ZNF780A: variants seen among roughly 807,000 people sequenced by gnomAD.
ZNF780A encodes the protein zinc finger protein 780A.
In ZNF780A, 40 loss-of-function variants were observed where a neutral mutation model predicts 56.7. That is an observed-to-expected ratio of 0.71 (90% CI 0.55 to 0.92). The LOEUF (loss-of-function observed/expected upper bound fraction) is 0.92. Among genes scored for constraint, ZNF780A ranks in the 40% least tolerant of loss-of-function variants. The probability of loss-of-function intolerance (pLI) is 0.00; values close to 1 mark genes in which losing one functional copy is unlikely to be tolerated. For synonymous variants in ZNF780A, 231 were observed against 248.3 expected, an observed-to-expected ratio of 0.93 and a Z score of 0.66; for missense variants, 672 against 783.3, an observed-to-expected ratio of 0.86 and a Z score of 1.70.
chr19:40,088,911 C>T (rs1568460344), intron 2 of ZNF780A, among the ~76,000 whole-genome samples: 1 of 152,080 alleles, frequency 6.6e-6, no homozygotes, highest in East Asian at 1.9e-4. Flanking sequence ...AAGCCAAGCA[C>T]AGAAAGACAT....
At chr19:40,089,305 G>A in intron 2 of ZNF780A, 1 of 1,367,272 alleles carries the variant, frequency 7.3e-7, no homozygotes, top group South Asian at 1.9e-5. Flanking sequence ...AATTATATCT[G>A]TCGATTTAAA....
chr19:40,071,305 T>C (rs1973808016), downstream of ZNF780A: 1 of 152,194 alleles, frequency 6.6e-6, no homozygotes, highest in African/African-American at 2.4e-5. Context: ...GTTTTATAGC[T>C]TGATTTAAAG....
At position 40,075,539 on chromosome 19, in the gene ZNF780A, A is replaced by G. The variant is rs1163705695; in HGVS notation, c.903T>C (p.Asn301=). 6.2e-7 allele frequency: 1 copy of G among 1,611,800 alleles called. No individual in the cohort carries two copies. ...ATTCCTTACATACAAAGGGTTTCTC[A>G]TTGGAATGAATTTTCTGATGCTGAA... ...HLIQHQKIHS[N]EKPFVCKECG... is the part of the protein sequence containing the mutation. Residue 301 remains asparagine, a synonymous_variant, in exon 6 of 6, where the codon AAT becomes AAC. Coordinates refer to ENST00000683561, the MANE Select transcript of ZNF780A (RefSeq NM_001142578.2).
rs542843323 is a variant in ZNF780A, at chr19:40,083,830, A to AT, written c.10-594dup. The stretch of plus-strand genomic sequence containing the variant: ...TAGAACTCACATATTAGATTTATTC[A>AT]TTTTTTTTCTATTTATACGTTGAGG... On this transcript the variant is annotated intron_variant, in intron 3 of 5. Coordinates refer to ENST00000683561, the MANE Select transcript of ZNF780A (RefSeq NM_001142578.2). Among the ~76,000 whole-genome samples the AT allele has an allele frequency of 1.3e-4, 19 of 151,942 alleles. No individual in the cohort carries two copies. The South Asian group carries it at 2.3e-3, about 18-fold the overall frequency.
chr19:40,070,126 G>T (rs1973769021), downstream of ZNF780A: 1 of 152,102 alleles, frequency 6.6e-6, no homozygotes, highest in South Asian at 2.1e-4. Flanking sequence ...CTTCTCCTAG[G>T]AGATGAAATA....
chr19:40,090,712 C>T (rs1975116801), intron 1 of ZNF780A, 194 bp downstream of exon 1: 1 of 152,630 alleles, frequency 6.6e-6, no homozygotes, highest in East Asian at 1.9e-4. Context: ...CACTCATGAT[C>T]TCACAATCCC....
At chr19:40,082,600 T>C (rs1247270281) in intron 4 of ZNF780A, among the ~76,000 whole-genome samples, 3 of 152,200 alleles carry the variant, frequency 2.0e-5, no homozygotes, top group Admixed American at 2.0e-4. Flanking sequence ...TTGTTTGTTT[T>C]TGGTTTTGAG....
downstream of ZNF780A, chr19:40,071,692 T>A (rs1458784440): frequency 3.3e-5 from 5 of 152,196 alleles, no homozygotes; most frequent in African/African-American, 1.2e-4. Flanking sequence ...CAAACTTAGT[T>A]TCACTAATGC....
intron 5 of ZNF780A, among the ~76,000 whole-genome samples, chr19:40,077,873 A>G (rs1974233841): frequency 6.6e-6 from 1 of 151,364 alleles, no homozygotes; most frequent in South Asian, 2.1e-4. Flanking sequence ...GAATAAACAC[A>G]GGAAATAACA....
chr19:40,089,260 C>T, intron 2 of ZNF780A: 1 of 1,416,114 alleles, frequency 7.1e-7, no homozygotes, highest in Non-Finnish European at 9.4e-7. Flanking sequence ...GTATACATAC[C>T]ATAAAACTTC....
intron 5 of ZNF780A, among the ~76,000 whole-genome samples, chr19:40,076,474 T>C (rs958668561): frequency 3.3e-5 from 5 of 152,232 alleles, no homozygotes; most frequent in Non-Finnish European, 5.9e-5. Flanking sequence ...CTAGGTCAAC[T>C]ATCTGTTGAA....
chr19:40,076,341 A>C, intron 5 of ZNF780A, 132 bp from the exon 6 acceptor site: 5 of 876,692 alleles, frequency 5.7e-6, no homozygotes, highest in Non-Finnish European at 6.6e-6. Context: ...AAAACCAACA[A>C]AGTTGGTAGA....
rs1372605802 is a variant in ZNF780A, at chr19:40,081,922, A to G, written c.137-8T>C. ...GTTTAGAAATGGAACTTCCTGCTTA[A>G]AAGAAACGACACATGTAGAATTTTT... On this transcript the variant is annotated splice_region_variant and splice_polypyrimidine_tract_variant and intron_variant, in intron 4 of 5. Transcript: ENST00000683561. 6.3e-7 allele frequency: 1 copy of G among 1,596,590 alleles called. No homozygotes were observed. Among genetic ancestry groups the G allele is most frequent in the Non-Finnish European group, 8.5e-7 (1 of 1,173,066 alleles).
intron 5 of ZNF780A, among the ~76,000 whole-genome samples, chr19:40,080,114 G>C (rs1974387806): frequency 6.6e-6 from 1 of 152,012 alleles, no homozygotes; most frequent in African/African-American, 2.4e-5. Context: ...CATCAAAATA[G>C]AAAAGCTGAA....
At chr19:40,083,667 GAAAAAAAAAAAA>G (rs571135549) in intron 3 of ZNF780A, among the ~76,000 whole-genome samples, 2 of 44,670 alleles carry the variant, frequency 4.5e-5, no homozygotes, top group African/African-American at 1.6e-4. Flanking sequence ...CTGTCTCAGA[GAAAAAAAAAAAA>G]AAAAAAAAAG....
At chr19:40,089,326 TTC>T in intron 2 of ZNF780A, 2 of 1,342,492 alleles carry the variant, frequency 1.5e-6, no homozygotes, top group Non-Finnish European at 1.9e-6. Flanking sequence ...AAGAAAGAAT[TTC>T]TGTCCTAGAT....
intron 5 of ZNF780A, among the ~76,000 whole-genome samples, chr19:40,078,090 C>A (rs1247702221): frequency 6.7e-6 from 1 of 148,574 alleles, no homozygotes; most frequent in African/African-American, 2.5e-5. Context: ...AAGAAACTTA[C>A]CAATTTCATT....
chr19:40,074,389 A>G lies in ZNF780A; in HGVS notation c.*127T>C, dbSNP rs1599826617. ...TGGAATGAATTTTCTGATGCTGAAT[A>G]ACGTTTGAACCACAAATGAAGCCTT... On this transcript the variant is annotated 3_prime_UTR_variant, in exon 6 of 6. Coordinates refer to ENST00000683561, the MANE Select transcript of ZNF780A (RefSeq NM_001142578.2). 1 of 1,540,484 alleles carries G rather than the reference A, an allele frequency of 6.5e-7. No homozygotes were observed. The highest frequency in any genetic ancestry group is 2.3e-5 in the East Asian group (1 of 44,424).
At chr19:40,072,602 C>A, downstream of ZNF780A, 1 of 405,570 alleles carries the variant, frequency 2.5e-6, no homozygotes, top group Non-Finnish European at 3.8e-6. Context: ...TCTTTGGGTC[C>A]CCTCCCTTTG....
Sources: allele counts gnomAD v4.1 joint callset (sites outside exome capture counted in the v4.1 genomes callset), GRCh38; gene constraint gnomAD v4.1.1; transcripts MANE v1.5; gene names NCBI Gene and HGNC (gene_info 2026-07-23, HGNC 2026-07-21).